The following MAP4K2 variants were observed in gnomAD, a reference collection of about 807,000 sequenced individuals.
The protein encoded by MAP4K2 is mitogen-activated protein kinase kinase kinase kinase 2.
In MAP4K2, 85 loss-of-function variants were observed where a neutral mutation model predicts 125.3. The observed-to-expected ratio is 0.68, with a 90% CI of 0.57 to 0.81. The LOEUF is 0.81. MAP4K2 is among the 40% of genes least tolerant of loss of function. The pLI is 0.00. For missense variants in MAP4K2, 923 were observed against 1,056.4 expected (o/e 0.87, Z 1.75); for synonymous variants, 479 against 445.1 (o/e 1.08, Z -0.96).
rs1224628295 is a variant in MAP4K2, at chr11:64,789,492, A to C, written c.*45T>G. 1 of 1,528,436 alleles carries C rather than the reference A, an allele frequency of 6.5e-7. No homozygotes were observed. Among genetic ancestry groups the C allele is most frequent in the Non-Finnish European group, 8.9e-7 (1 of 1,125,756 alleles). The allele number at this position is 1,528,436 out of a possible 1,614,324, so 94.7% of individuals were successfully genotyped here. On this transcript the variant is annotated 3_prime_UTR_variant, in exon 32 of 32. Coordinates refer to ENST00000294066, the MANE Select transcript of MAP4K2 (RefSeq NM_004579.5). ...CCTTTGCCCAAAAGGGCCTGCAGCT[A>C]AGGCGTGGGGTGGGGCGGGGAGCCC...
In MAP4K2 at chr11:64,789,316, G is replaced by A; in HGVS notation, c.*221C>T. The A allele has an allele frequency of 3.5e-6, 2 of 571,498 alleles. No individual in the cohort carries two copies. Among genetic ancestry groups the A allele is most frequent in the East Asian group, 3.0e-5 (1 of 33,868 alleles). The allele number at this position is 571,498 out of a possible 1,614,324, so 35.4% of individuals were successfully genotyped here. A position where few individuals can be genotyped will look rare whatever the true frequency, so the allele number is the denominator to read the frequency against. On this transcript the variant is annotated 3_prime_UTR_variant, in exon 32 of 32. Coordinates refer to ENST00000294066, the MANE Select transcript of MAP4K2 (RefSeq NM_004579.5). ...CTAGGGACTGGGCTGCCTCGGGGAT[G>A]GGGGAGTGACAGCAGCTCCCCCTGG...
chr11:64,786,567 G>C lies in MAP4K2; in HGVS notation c.*2970C>G, dbSNP rs1041029913. 6.6e-6 allele frequency: 1 copy of C among 152,112 alleles called. No individual in the cohort carries two copies. Among genetic ancestry groups the C allele is most frequent in the Non-Finnish European group, 1.5e-5 (1 of 68,028 alleles). 9.4% of individuals were successfully genotyped at this position (152,112 alleles called of 1,614,324 possible). A position where few individuals can be genotyped will look rare whatever the true frequency, so the allele number is the denominator to read the frequency against. On this transcript the variant is annotated 3_prime_UTR_variant, in exon 32 of 32. Coordinates refer to ENST00000294066, the MANE Select transcript of MAP4K2 (RefSeq NM_004579.5). ...ATGGGCCAGTTACCTGAACATCCTG[G>C]GGGGGCCCACGTCCCTTCTACTTGT...
Position 64,787,552 on chromosome 11 carries a change from G to A in MAP4K2, c.*1985C>T, listed in dbSNP as rs1472180838. ...AAAAAAATATGTACCATGGGCAAAG[G>A]TTACGCATTTAAAAATACATAAATA... is the stretch of plus-strand genomic sequence containing the variant. On this transcript the variant is annotated 3_prime_UTR_variant, in exon 32 of 32. Coordinates refer to ENST00000294066, the MANE Select transcript of MAP4K2 (RefSeq NM_004579.5). The A allele has an allele frequency of 1.3e-5, 2 of 152,154 alleles. No individual in the cohort carries two copies. The highest frequency in any genetic ancestry group is 2.9e-5 in the Non-Finnish European group (2 of 68,042). The allele number at this position is 152,154 out of a possible 1,614,324, so 9.4% of individuals were successfully genotyped here.
rs1384623334 is a variant in MAP4K2 at position 64,800,887 on chromosome 11, G to A, written c.662+13C>T. 6.2e-7 allele frequency: 1 copy of A among 1,613,916 alleles called. No homozygotes were observed. Among genetic ancestry groups the A allele is most frequent in the African/African-American group, 1.3e-5 (1 of 74,952 alleles). On this transcript the variant is annotated intron_variant, in intron 9 of 31. Coordinates refer to ENST00000294066, the MANE Select transcript of MAP4K2 (RefSeq NM_004579.5). The stretch of plus-strand genomic sequence containing the variant: ...AGATCAAGGGTCAGGTGAGGGGCAA[G>A]TGTTGGGCTGACCTCATGGGGTGCA...
chr11:64,800,521 A>G, intron 10 of MAP4K2, 129 bp from the exon 11 acceptor site: 1 of 1,161,202 alleles, frequency 8.6e-7, no homozygotes, highest in Non-Finnish European at 1.2e-6. Flanking sequence ...GCCGAGGCCA[A>G]GGGCCACTGG....
chr11:64,802,479 C>T lies in MAP4K2; in HGVS notation c.250G>A (p.Asp84Asn). Reference sequence around the variant, plus strand: ...AACTCCATGCAGATCCACAAGCGGTCATTCCTAGGGACAAAGAGCTGGGGT... The same window carrying T: ...AACTCCATGCAGATCCACAAGCGGTTATTCCTAGGGACAAAGAGCTGGGGT... ...VAYIGSYLRN[D>N]RLWICMEFCG... Residue 84 changes from aspartate to asparagine, a missense_variant, in exon 4 of 32, where the codon GAC becomes AAC. By Grantham distance (23) the Asp-to-Asn change is conservative (BLOSUM62 1). Around this residue, in one of 2 missense-constraint regions of MAP4K2, gnomAD observed 833 missense variants for 911.4 expected, o/e 0.91. Coordinates refer to ENST00000294066, the MANE Select transcript of MAP4K2 (RefSeq NM_004579.5). 6.6e-7 allele frequency: 1 copy of T among 1,524,350 alleles called. No homozygotes were observed. Among genetic ancestry groups the T allele is most frequent in the Non-Finnish European group, 8.8e-7 (1 of 1,135,556 alleles). 94.4% of individuals were successfully genotyped at this position (1,524,350 alleles called of 1,614,324 possible).
intron 27 of MAP4K2, among the ~76,000 whole-genome samples, 195 bp downstream of exon 27, chr11:64,791,714 C>G (rs1940487176): frequency 6.6e-6 from 1 of 152,208 alleles, no homozygotes; most frequent in Admixed American, 6.5e-5. Flanking sequence ...GTCTAATGAA[C>G]CCTTTTATGG....
intron 12 of MAP4K2, 28 bp from the exon 13 acceptor site, chr11:64,799,711 A>T: frequency 6.3e-7 from 1 of 1,594,938 alleles, no homozygotes; most frequent in Non-Finnish European, 8.6e-7. Flanking sequence ...CAGTGTGGAC[A>T]CACCTGGCAC....
Position 64,798,785 on chromosome 11 carries a change from C to T in MAP4K2, c.1097+9G>A, listed in dbSNP as rs1940983196. ...GCCACCCCCTGCAGCTTCCCCATAC[C>T]TCACTTACCCACTCAACTCTTCCTT... is the stretch of plus-strand genomic sequence containing the variant. On this transcript the variant is annotated intron_variant, in intron 15 of 31. Transcript: ENST00000294066. 1.2e-6 allele frequency: 2 copies of T among 1,612,520 alleles called. No homozygotes were observed. Among genetic ancestry groups the T allele is most frequent in the African/African-American group, 2.7e-5 (2 of 74,852 alleles).
Position 64,792,010 on chromosome 11 carries a change from A to C in MAP4K2, c.1991T>G (p.Val664Gly), listed in dbSNP as rs1592578149. The C allele has an allele frequency of 1.3e-6, 2 of 1,598,226 alleles. No homozygotes were observed. The highest frequency in any genetic ancestry group is 1.7e-6 in the Non-Finnish European group (2 of 1,173,160). ...CTCAGGCCCCTCGGCCCCAACACAC[A>C]CCTGCGGCAGCTCCTTCCCATCCAG... ...LVLDGKELPQ[V>G]CVGAEGPEGP... The change falls in exon 27 of 32, where the codon GTG becomes GGG. Residue 664 changes from valine to glycine, a missense_variant. Transcript: ENST00000294066.
Position 64,792,043 on chromosome 11 carries a change from G to T in MAP4K2, c.1958C>A (p.Pro653Gln), listed in dbSNP as rs770950632. The change falls in exon 27 of 32, where the codon CCG (proline) becomes CAG (glutamine). Residue 653 changes from proline to glutamine, a missense_variant. Pro to Gln is a moderately conservative substitution (Grantham distance 76). This residue lies in a region of MAP4K2 where 833 missense variants were observed against 911.4 expected (regional missense o/e 0.91). Coordinates refer to ENST00000294066, the MANE Select transcript of MAP4K2 (RefSeq NM_004579.5). ...PLPSPAGMLE[P>Q]LVLDGKELPQ... is the part of the protein sequence containing the mutation. ...CAGCTCCTTCCCATCCAGCACCAGC[G>T]GCTCCAGCATCCCAGCTGGGCTGGG... is the stretch of plus-strand genomic sequence containing the variant. The T allele has an allele frequency of 4.4e-6, 7 of 1,596,056 alleles. No individual in the cohort carries two copies. Among genetic ancestry groups the T allele is most frequent in the Non-Finnish European group, 6.0e-6 (7 of 1,171,770 alleles).
chr11:64,802,907 C>T lies in MAP4K2; in HGVS notation c.132G>A (p.Val44=). The T allele has an allele frequency of 6.3e-7, 1 of 1,599,992 alleles. No individual in the cohort carries two copies. The highest frequency in any genetic ancestry group is 8.5e-7 in the Non-Finnish European group (1 of 1,173,978). ...CACCTGGGTCTAGCTTGACTATCTT[C>T]ACGGCGGCCAGTTCGGACGTGACCG... ...RDTVTSELAA[V]KIVKLDPGDD... Residue 44 remains valine, a synonymous_variant, in exon 2 of 32, where the codon GTG becomes GTA. Coordinates refer to ENST00000294066, the MANE Select transcript of MAP4K2 (RefSeq NM_004579.5).
chr11:64,789,839 A>C (rs758898376), intron 30 of MAP4K2, 50 bp downstream of exon 30: 10 of 1,613,650 alleles, frequency 6.2e-6, no homozygotes, highest in Non-Finnish European at 8.5e-6. Flanking sequence ...CTTTCCAAAG[A>C]GGTAGGGACC....
At chr11:64,799,793 G>T in intron 12 of MAP4K2, 110 bp from the exon 13 acceptor site, 1 of 813,092 alleles carries the variant, frequency 1.2e-6, no homozygotes, top group Non-Finnish European at 2.0e-6. Context: ...CAGCCCTCTG[G>T]GACTACTGTA....
chr11:64,792,920 TAAAG>T (rs1940585915), intron 24 of MAP4K2, among the ~76,000 whole-genome samples: 1 of 152,038 alleles, frequency 6.6e-6, no homozygotes, highest in Non-Finnish European at 1.5e-5. Flanking sequence ...AGGCAGGGTA[TAAAG>T]AAAGAAATGA....
chr11:64,789,377 C>T lies in MAP4K2; in HGVS notation c.*160G>A. 1.5e-6 allele frequency: 1 copy of T among 653,954 alleles called. No individual in the cohort carries two copies. 40.5% of individuals were successfully genotyped at this position (653,954 alleles called of 1,614,324 possible). A position where few individuals can be genotyped will look rare whatever the true frequency, so the allele number is the denominator to read the frequency against. On this transcript the variant is annotated 3_prime_UTR_variant, in exon 32 of 32. Coordinates refer to ENST00000294066, the MANE Select transcript of MAP4K2 (RefSeq NM_004579.5). The stretch of plus-strand genomic sequence containing the variant: ...GCAGAGGCGTCGGGGGCTCCCCTCC[C>T]TCCCCAGGCCTGAAACATTTCTCAG...
chr11:64,799,449 C>T lies in MAP4K2; in HGVS notation c.1025G>A (p.Arg342Lys), dbSNP rs1457717586. 2 of 1,611,864 alleles carry T rather than the reference C, an allele frequency of 1.2e-6. No homozygotes were observed. Among genetic ancestry groups the T allele is most frequent in the Admixed American group, 1.7e-5 (1 of 59,178 alleles). ...FHQVKFGAPRRKETDPLNEPW... is the reference protein window; with the variant it reads ...FHQVKFGAPRKKETDPLNEPW... ...CTCATTCAGTGGGTCAGTTTCCTTC[C>T]TGCGTGGGGCGCCAAATTTCACCTG... is the stretch of plus-strand genomic sequence containing the variant. The change falls in exon 14 of 32, where the codon AGG (arginine) becomes AAG (lysine). Residue 342 changes from arginine (R) to lysine (K), a missense_variant. By Grantham distance (26) the Arg-to-Lys change is conservative. Transcript: ENST00000294066.
rs996294384 is a variant in MAP4K2 at position 64,789,318 on chromosome 11, G to T, written c.*219C>A. 1 of 573,362 alleles carries T rather than the reference G, an allele frequency of 1.7e-6. No individual in the cohort carries two copies. Among genetic ancestry groups the T allele is most frequent in the Non-Finnish European group, 3.1e-6 (1 of 320,884 alleles). The allele number at this position is 573,362 out of a possible 1,614,324, so 35.5% of individuals were successfully genotyped here. ...AGGGACTGGGCTGCCTCGGGGATGG[G>T]GGAGTGACAGCAGCTCCCCCTGGTC... On this transcript the variant is annotated 3_prime_UTR_variant, in exon 32 of 32. Transcript: ENST00000294066.
At position 64,798,814 on chromosome 11, in the gene MAP4K2, C is replaced by T. The variant is rs1179414620; in HGVS notation, c.1077G>A (p.Leu359=). The change falls in exon 15 of 32, where the codon CTG becomes CTA. Residue 359 remains leucine (L), a synonymous_variant. Transcript: ENST00000294066. ...NEPWEEEWTL[L]GKEELSGSLL... ...CTTACCCACTCAACTCTTCCTTTCC[C>T]AGTAGTGTCCACTCTTCCTCCCACT... The T allele has an allele frequency of 5.6e-6, 9 of 1,609,250 alleles. No homozygotes were observed. The highest frequency in any genetic ancestry group is 1.1e-5 in the South Asian group (1 of 90,378).
Sources: gnomAD v4.1 joint callset for allele counts (sites outside exome capture counted in the v4.1 genomes callset) on GRCh38, gnomAD v4.1.1 for gene constraint, gnomAD v4.1.1 regional missense constraint, MANE v1.5 for transcripts, NCBI Gene and HGNC (gene_info 2026-07-23, HGNC 2026-07-21) for gene names.